NDRG2: variants seen among roughly 807,000 people sequenced by gnomAD.
The protein encoded by NDRG2 is protein NDRG2.
A neutral mutation model predicts 58.2 loss-of-function variants in NDRG2; 34 were observed. The observed-to-expected ratio is 0.58, with a 90% CI of 0.44 to 0.78. The LOEUF is 0.78. Ranked by LOEUF, NDRG2 falls within the 30% of genes least tolerant of loss-of-function variation. The pLI is 0.00. For missense variants in NDRG2, 434 were observed against 471.2 expected, an observed-to-expected ratio of 0.92 and a Z score of 0.73; for synonymous variants, 187 against 175.9, an observed-to-expected ratio of 1.06 and a Z score of -0.50.
intron 6 of NDRG2, 98 bp from the exon 7 acceptor site, chr14:21,020,942 C>T (rs764801730): frequency 1.7e-5 from 23 of 1,338,270 alleles, no homozygotes; most frequent in Admixed American, 5.2e-5. Context: ...CCTGAGTCCA[C>T]GGGCACAAAG....
At chr14:21,061,886 A>G (rs1048794233) in intron 1 of NDRG2, among the ~76,000 whole-genome samples, 3 of 152,246 alleles carry the variant, frequency 2.0e-5, no homozygotes, top group Non-Finnish European at 2.9e-5. Context: ...TGTTAGATTT[A>G]TAAAGGTTTT....
chr14:21,047,453 A>G (rs1423346391), intron 1 of NDRG2, among the ~76,000 whole-genome samples: 2 of 152,220 alleles, frequency 1.3e-5, no homozygotes, highest in Non-Finnish European at 2.9e-5. Context: ...GCCAAGTTAA[A>G]GGATGCCAGG....
Position 21,033,702 on chromosome 14 carries a change from G to A in NDRG2, c.25-10381C>T, listed in dbSNP as rs1391055277. The A allele has an allele frequency of 3.8e-6, 3 of 779,572 alleles. No individual in the cohort carries two copies. In the East Asian group the frequency reaches 7.4e-5, roughly 19 times the overall value. The allele number at this position is 779,572 out of a possible 1,614,324, so 48.3% of individuals were successfully genotyped here. A position where few individuals can be genotyped will look rare whatever the true frequency, so the allele number is the denominator to read the frequency against. ...CATTTTCGCACCCACCTGGTCTCTT[G>A]GGAGGGGACCCTGCCTGCCTCGTAA... On this transcript the variant is annotated intron_variant, in intron 1 of 14. Coordinates refer to the NDRG2 transcript ENST00000403829.
Position 21,046,558 on chromosome 14 carries a change from CATA to C in NDRG2, c.25-23240_25-23238del, listed in dbSNP as rs774831933. Reference sequence around the variant, plus strand: ...CTCAAAACAAATACATACATACATACATACATACATACATACATACATACATAC... The same window carrying C: ...CTCAAAACAAATACATACATACATACCATACATACATACATACATACATAC... On this transcript the variant is annotated intron_variant, in intron 1 of 14. Coordinates refer to the NDRG2 transcript ENST00000403829. 6.2e-3 allele frequency among the ~76,000 whole-genome samples: 943 copies of C among 151,542 alleles called. 5 individuals are homozygous for C. The highest frequency in any genetic ancestry group is 9.0e-3 in the Non-Finnish European group (613 of 67,912).
chr14:21,057,971 G>T (rs1186338443), intron 1 of NDRG2: 1 of 1,614,032 alleles, frequency 6.2e-7, no homozygotes, highest in East Asian at 2.2e-5. Context: ...CCTAGTCAGA[G>T]CCAAGCCCAA....
intron 1 of NDRG2, among the ~76,000 whole-genome samples, chr14:21,054,687 C>G (rs1402359415): frequency 1.3e-5 from 2 of 152,208 alleles, no homozygotes; most frequent in Non-Finnish European, 1.5e-5. Context: ...ATTTCAAATC[C>G]CGGCCCTGCC....
At chr14:21,022,287 C>A in intron 4 of NDRG2, 105 bp from the exon 5 acceptor site, 1 of 1,576,984 alleles carries the variant, frequency 6.3e-7, no homozygotes, top group Non-Finnish European at 8.7e-7. Flanking sequence ...CAGGAGAGAA[C>A]TTCTCCTTCC....
intron 1 of NDRG2, among the ~76,000 whole-genome samples, chr14:21,068,357 G>A (rs2139177448): frequency 6.6e-6 from 1 of 151,626 alleles, no homozygotes; most frequent in East Asian, 1.9e-4. Context: ...CCAGGAGTTT[G>A]TGGACCCCCA....
intron 1 of NDRG2, among the ~76,000 whole-genome samples, chr14:21,038,165 C>T (rs759211684): frequency 4.2e-4 from 64 of 152,332 alleles, no homozygotes; most frequent in Non-Finnish European, 7.5e-4. Context: ...GCCGCATTGT[C>T]ACTTCCTCAT....
upstream of NDRG2, chr14:21,025,338 T>A: frequency 1.0e-6 from 1 of 983,224 alleles, no homozygotes; most frequent in South Asian, 4.7e-5. This position sits in a 1 kb window ranked among gnomAD's most constrained non-coding sequence, Gnocchi z 5.1. Flanking sequence ...AGTGCGGGGA[T>A]CCCTCAGCCC....
At chr14:21,028,659 G>C (rs985077965), upstream of NDRG2, 2 of 152,106 alleles carry the variant, frequency 1.3e-5, no homozygotes, top group African/African-American at 4.8e-5. Flanking sequence ...TCTTGAGCAG[G>C]AGTAATAAAA....
Position 21,070,249 on chromosome 14 carries a change from G to A in NDRG2, c.24+579C>T, listed in dbSNP as rs1367268678. ...CGGCCCTCCCTGGCGGGGCCCCGCG[G>A]CCTGGAAGCCGGAGCGGGCCGAGCC... On this transcript the variant is annotated intron_variant, in intron 1 of 14. Coordinates refer to the NDRG2 transcript ENST00000403829. This position sits in a 1 kb window ranked among gnomAD's most constrained non-coding sequence, Gnocchi z 4.7. 4.7e-6 allele frequency: 4 copies of A among 850,678 alleles called. No homozygotes were observed. The highest frequency in any genetic ancestry group is 3.6e-5 in the African/African-American group (2 of 55,998). The allele number at this position is 850,678 out of a possible 1,614,324, so 52.7% of individuals were successfully genotyped here.
chr14:21,019,106 A>C lies in NDRG2; in HGVS notation c.761+10T>G. The C allele has an allele frequency of 1.2e-6, 2 of 1,606,796 alleles. No individual in the cohort carries two copies. The highest frequency in any genetic ancestry group is 1.7e-6 in the Non-Finnish European group (2 of 1,177,442). ...GGAGACAGGCAATGCATTATCTCTT[A>C]AAGTCTTACCTGAGGGTGATATCAC... On this transcript the variant is annotated intron_variant, in intron 11 of 15. Coordinates refer to ENST00000556147, the MANE Select transcript of NDRG2 (RefSeq NM_001320329.2).
In NDRG2 at chr14:21,022,879, G is replaced by T; in HGVS notation, c.102C>A (p.Leu34=). 6.2e-7 allele frequency: 1 copy of T among 1,613,970 alleles called. No individual in the cohort carries two copies. Among genetic ancestry groups the T allele is most frequent in the East Asian group, 2.2e-5 (1 of 44,860 alleles). ...AKEAELAARI[L]LDQGQTHSVE... is the part of the protein sequence containing the mutation. ...ACACTGTTACCTGTCCCTGGTCCAG[G>T]AGGATTCGGGCAGCTAACTCAGCCT... Residue 34 remains leucine, a synonymous_variant, in exon 3 of 16, where the codon CTC becomes CTA. Coordinates refer to ENST00000556147, the MANE Select transcript of NDRG2 (RefSeq NM_001320329.2).
At chr14:21,027,780 AATC>A (rs1375354818), upstream of NDRG2, among the ~76,000 whole-genome samples, 9 of 152,340 alleles carry the variant, frequency 5.9e-5, no homozygotes, top group African/African-American at 2.2e-4. Context: ...ACAGTCTAGA[AATC>A]ATTATCTTAC....
chr14:21,032,482 T>A (rs771685368), intron 1 of NDRG2: 2 of 375,586 alleles, frequency 5.3e-6, no homozygotes, highest in Non-Finnish European at 1.0e-5. Flanking sequence ...GGACTATGAC[T>A]ATATCACATA....
chr14:21,059,638 G>A (rs192279704), intron 1 of NDRG2, among the ~76,000 whole-genome samples: 2 of 152,056 alleles, frequency 1.3e-5, no homozygotes, highest in Non-Finnish European at 2.9e-5. Context: ...GGGACTACAC[G>A]TGCAAGCATG....
At chr14:21,045,846 A>T (rs1885117284) in intron 1 of NDRG2, among the ~76,000 whole-genome samples, 1 of 152,218 alleles carries the variant, frequency 6.6e-6, no homozygotes, top group South Asian at 2.1e-4. Context: ...TTGGGGAAGT[A>T]TAACTGTGAA....
chr14:21,019,224 A>G (rs370699664), intron 10 of NDRG2, 64 bp from the exon 11 acceptor site: 34 of 1,387,930 alleles, frequency 2.4e-5, no homozygotes, highest in Non-Finnish European at 3.1e-5. Context: ...GATATAAGCT[A>G]TCTCTCCCAT....
Sources: gnomAD v4.1 joint callset for allele counts (sites outside exome capture counted in the v4.1 genomes callset) on GRCh38, gnomAD v4.1.1 for gene constraint, Gnocchi (gnomAD v3.1) non-coding constraint, MANE v1.5 for transcripts, NCBI Gene and HGNC (gene_info 2026-07-23, HGNC 2026-07-21) for gene names.